Variants in TRAPPC9 observed in about 807,000 individuals in gnomAD.
TRAPPC9 encodes the protein trafficking protein particle complex subunit 9, also known as IKK2 binding protein.
In TRAPPC9, 83 loss-of-function variants were observed where a neutral mutation model predicts 124.0. The ratio of observed to expected loss-of-function variants is 0.67; its 90% confidence interval spans 0.56 to 0.80. The LOEUF is 0.80. Ranked by LOEUF, TRAPPC9 falls within the 30% of genes least tolerant of loss-of-function variation. The probability of loss-of-function intolerance (pLI) is 0.00; values close to 1 mark genes in which losing one functional copy is unlikely to be tolerated. For synonymous variants in TRAPPC9, 638 were observed against 617.5 expected, an observed-to-expected ratio of 1.03 and a Z score of -0.49; for missense variants, 1,302 against 1,508.3, an observed-to-expected ratio of 0.86 and a Z score of 2.27.
chr8:139,975,862 C>T (rs1481523781), intron 19 of TRAPPC9, among the ~76,000 whole-genome samples: 1 of 152,040 alleles, frequency 6.6e-6, no homozygotes, highest in African/African-American at 2.4e-5. Flanking sequence ...GAAAATAACC[C>T]TCATGTTTAT....
intron 2 of TRAPPC9, among the ~76,000 whole-genome samples, chr8:140,443,799 G>A (rs1397546350): frequency 6.6e-6 from 1 of 151,890 alleles, no homozygotes; most frequent in Admixed American, 6.6e-5. Context: ...CATTCTGGGA[G>A]GCCGAGGCGG....
intron 20 of TRAPPC9, among the ~76,000 whole-genome samples, chr8:139,887,361 C>T (rs1325005544): frequency 6.6e-6 from 1 of 151,920 alleles, no homozygotes; most frequent in Non-Finnish European, 1.5e-5. Context: ...GCTGGGATTA[C>T]AGGCACCCGC....
chr8:139,776,698 A>G lies in TRAPPC9; in HGVS notation c.3056-44496T>C, dbSNP rs747375965. ...TGCGCACACACACACAGAAAGGCACATGTGTGCTGGCTTCAAGAGCTTGGT... is the reference window on the plus strand; with the variant it reads ...TGCGCACACACACACAGAAAGGCACGTGTGTGCTGGCTTCAAGAGCTTGGT... On this transcript the variant is annotated intron_variant, in intron 21 of 22. Coordinates refer to ENST00000438773, the MANE Select transcript of TRAPPC9 (RefSeq NM_001160372.4). This position sits in a 1 kb window ranked among gnomAD's most constrained non-coding sequence, Gnocchi z 4.1. Among the ~76,000 whole-genome samples the G allele has an allele frequency of 1.4e-4, 22 of 151,894 alleles. No homozygotes were observed. The highest frequency in any genetic ancestry group is 1.2e-3 in the Admixed American group (19 of 15,258).
chr8:139,882,261 G>A (rs143376955), intron 21 of TRAPPC9, among the ~76,000 whole-genome samples: 297 of 152,258 alleles, frequency 2.0e-3, no homozygotes, highest in African/African-American at 6.0e-3. Context: ...CCAGAGCAAC[G>A]TGTGAGGTCG....
chr8:139,957,035 C>T (rs566055589), intron 19 of TRAPPC9, among the ~76,000 whole-genome samples: 38 of 152,364 alleles, frequency 2.5e-4, no homozygotes, highest in African/African-American at 7.5e-4. Context: ...ACAGCAAAAT[C>T]GCATTCCACA....
chr8:139,918,870 G>A (rs148359980), intron 19 of TRAPPC9, among the ~76,000 whole-genome samples: 345 of 152,324 alleles, frequency 2.3e-3, no homozygotes, highest in African/African-American at 7.7e-3. Flanking sequence ...TGCACCACGG[G>A]TCATTTTAAA....
chr8:140,094,230 A>T (rs1215537447), intron 17 of TRAPPC9, among the ~76,000 whole-genome samples: 1 of 152,212 alleles, frequency 6.6e-6, no homozygotes, highest in Non-Finnish European at 1.5e-5. Flanking sequence ...GCTCACTGAG[A>T]AACAGCTGCC....
At chr8:139,755,620 T>A (rs1423285777) in intron 21 of TRAPPC9, among the ~76,000 whole-genome samples, 12 of 104,568 alleles carry the variant, frequency 1.1e-4, no homozygotes, top group Non-Finnish European at 1.8e-5. Context: ...GGTTGGGGTA[T>A]AAGGACAGCA....
chr8:140,444,098 G>C (rs916219224), intron 2 of TRAPPC9, among the ~76,000 whole-genome samples: 1 of 145,480 alleles, frequency 6.9e-6, no homozygotes, highest in Non-Finnish European at 1.5e-5. Flanking sequence ...TGTAGTCCCA[G>C]CTACTCAGGA....
At chr8:140,321,616 G>A (rs2066597493) in intron 9 of TRAPPC9, among the ~76,000 whole-genome samples, 1 of 152,172 alleles carries the variant, frequency 6.6e-6, no homozygotes, top group Non-Finnish European at 1.5e-5. Context: ...AGCAAGAGAA[G>A]GGAGAATTGG....
chr8:140,317,985 AATT>A (rs1178129492), intron 9 of TRAPPC9, among the ~76,000 whole-genome samples: 2 of 152,194 alleles, frequency 1.3e-5, no homozygotes, highest in Non-Finnish European at 2.9e-5. Flanking sequence ...ACCAAAAAAT[AATT>A]ATTAATGTTT....
At chr8:140,243,010 A>T (rs867537186) in intron 16 of TRAPPC9, among the ~76,000 whole-genome samples, 1 of 152,216 alleles carries the variant, frequency 6.6e-6, no homozygotes, top group Non-Finnish European at 1.5e-5. Context: ...GGATTTGGGC[A>T]TATCGGCTGA....
intron 18 of TRAPPC9, among the ~76,000 whole-genome samples, chr8:139,996,936 G>A (rs562818079): frequency 1.3e-5 from 2 of 152,086 alleles, no homozygotes; most frequent in African/African-American, 2.4e-5. Flanking sequence ...TAGTAGACAC[G>A]GGATTTTGCC....
intron 17 of TRAPPC9, among the ~76,000 whole-genome samples, chr8:140,204,886 C>A (rs2062885141): frequency 6.6e-6 from 1 of 152,206 alleles, no homozygotes. Context: ...AGAAAAAGAT[C>A]ACTGGATTTT....
chr8:139,947,760 C>T (rs1360871376), intron 19 of TRAPPC9, among the ~76,000 whole-genome samples: 1 of 149,688 alleles, frequency 6.7e-6, no homozygotes, highest in Admixed American at 6.7e-5. Flanking sequence ...CCCAGCTACT[C>T]AGGAGGCTGA....
At chr8:139,987,893 C>G (rs533353898) in intron 19 of TRAPPC9, among the ~76,000 whole-genome samples, 1 of 152,264 alleles carries the variant, frequency 6.6e-6, no homozygotes, top group East Asian at 1.9e-4. Flanking sequence ...GCATCAGCTC[C>G]TCACTCACCT....
At chr8:140,456,906 A>C in intron 1 of TRAPPC9, 29 of 883,804 alleles carry the variant, frequency 3.3e-5, no homozygotes, top group Non-Finnish European at 3.5e-5. Flanking sequence ...ACAGACATTC[A>C]CGTTGGGAAG....
chr8:140,072,668 A>T (rs1477045168), intron 17 of TRAPPC9, among the ~76,000 whole-genome samples: 1 of 151,908 alleles, frequency 6.6e-6, no homozygotes, highest in Non-Finnish European at 1.5e-5. Context: ...CACTAGGAGA[A>T]CGTATTATAT....
At chr8:140,094,567 C>G (rs1313394406) in intron 17 of TRAPPC9, among the ~76,000 whole-genome samples, 2 of 152,202 alleles carry the variant, frequency 1.3e-5, no homozygotes, top group Non-Finnish European at 2.9e-5. Flanking sequence ...CCCAACACAA[C>G]TGGTACCTAC....
Sources: gnomAD v4.1 joint callset for allele counts (sites outside exome capture counted in the v4.1 genomes callset) on GRCh38, gnomAD v4.1.1 for gene constraint, Gnocchi (gnomAD v3.1) non-coding constraint, MANE v1.5 for transcripts, NCBI Gene and HGNC (gene_info 2026-07-23, HGNC 2026-07-21) for gene names.